SOX5: variants seen among roughly 807,000 people sequenced by gnomAD.
The protein encoded by SOX5 is transcription factor SOX-5.
Under a neutral mutation model 92.0 loss-of-function variants are expected in SOX5, and 9 were observed. The observed-to-expected ratio is 0.10, with a 90% confidence interval of 0.06 to 0.17. The LOEUF (loss-of-function observed/expected upper bound fraction) is 0.17. Ranked by LOEUF, SOX5 falls within the 10% of genes least tolerant of loss-of-function variation. The pLI is 1.00. For missense variants in SOX5, 642 were observed against 944.5 expected (o/e 0.68, Z 4.20); for synonymous variants, 344 against 336.3 (o/e 1.02, Z -0.25).
intron 1 of SOX5, among the ~76,000 whole-genome samples, chr12:24,417,617 GAATAT>G (rs1274431144): frequency 6.6e-6 from 1 of 152,166 alleles, no homozygotes; most frequent in Non-Finnish European, 1.5e-5. Flanking sequence ...GAACTGAACA[GAATAT>G]AATATTTAAA....
intron 1 of SOX5, among the ~76,000 whole-genome samples, chr12:24,376,415 A>G (rs2136311923): frequency 6.6e-6 from 1 of 152,254 alleles, no homozygotes; most frequent in East Asian, 1.9e-4. Context: ...TCCTGCCCTA[A>G]TATTTCTATC....
chr12:24,155,087 G>T lies in SOX5; in HGVS notation c.-2+58256C>A, dbSNP rs941244491. 2.6e-5 allele frequency among the ~76,000 whole-genome samples: 4 copies of T among 151,996 alleles called. No individual in the cohort carries two copies. In the East Asian group the frequency reaches 5.8e-4, roughly 22 times the overall value. On this transcript the variant is annotated intron_variant, in intron 4 of 4. Transcript: ENST00000446891. ...ATCCTCCTTGAAAACAGGCATCATCGTACGCTAAGCACAGCTCAGACAAGT... is the reference window on the plus strand; with the variant it reads ...ATCCTCCTTGAAAACAGGCATCATCTTACGCTAAGCACAGCTCAGACAAGT...
chr12:23,888,456 G>A (rs2097094912), intron 2 of SOX5, among the ~76,000 whole-genome samples: 1 of 151,738 alleles, frequency 6.6e-6, no homozygotes. Context: ...ATTTCTCAAG[G>A]TCCAGTTAAC....
chr12:24,483,997 G>A (rs1398965600), intron 1 of SOX5, among the ~76,000 whole-genome samples: 1 of 152,140 alleles, frequency 6.6e-6, no homozygotes, highest in Non-Finnish European at 1.5e-5. Flanking sequence ...TACATTCCAA[G>A]TTTGTATATG....
intron 6 of SOX5, among the ~76,000 whole-genome samples, chr12:23,677,485 G>T (rs1310097980): frequency 2.6e-5 from 4 of 152,058 alleles, no homozygotes; most frequent in African/African-American, 9.7e-5. Context: ...ACAATATAAA[G>T]TAACATAACT....
At chr12:24,215,962 T>C (rs1959137891) in intron 3 of SOX5, among the ~76,000 whole-genome samples, 1 of 152,218 alleles carries the variant, frequency 6.6e-6, no homozygotes, top group African/African-American at 2.4e-5. Context: ...CATTTGTAGC[T>C]AGTTGATTTT....
intron 4 of SOX5, among the ~76,000 whole-genome samples, chr12:24,116,749 T>C (rs1486032954): frequency 1.3e-5 from 2 of 152,144 alleles, no homozygotes; most frequent in Admixed American, 1.3e-4. Context: ...AGAAATGCCA[T>C]AGGGCTTATG....
At chr12:23,551,485 T>C (rs1944209954) in intron 11 of SOX5, among the ~76,000 whole-genome samples, 3 of 151,760 alleles carry the variant, frequency 2.0e-5, no homozygotes, top group African/African-American at 7.2e-5. Context: ...ATAAATGATA[T>C]ATAAACTATA....
intron 3 of SOX5, among the ~76,000 whole-genome samples, chr12:23,828,753 CAA>C (rs149215692): frequency 5.0e-4 from 67 of 132,884 alleles, no homozygotes; most frequent in Admixed American, 5.3e-4. Context: ...TTCAGGACAT[CAA>C]AAAAAAAAAA....
At chr12:24,187,759 T>C (rs1480570581) in intron 4 of SOX5, among the ~76,000 whole-genome samples, 1 of 152,186 alleles carries the variant, frequency 6.6e-6, no homozygotes, top group African/African-American at 2.4e-5. Flanking sequence ...TCTAGCATTG[T>C]CTTTCTGACA....
chr12:23,768,458 A>G (rs886471817), intron 3 of SOX5, among the ~76,000 whole-genome samples: 1 of 152,200 alleles, frequency 6.6e-6, no homozygotes, highest in Non-Finnish European at 1.5e-5. Context: ...GATGAACACC[A>G]GGATGAATAT....
intron 4 of SOX5, among the ~76,000 whole-genome samples, chr12:23,973,919 C>T (rs755129903): frequency 1.3e-5 from 2 of 152,194 alleles, no homozygotes; most frequent in Non-Finnish European, 1.5e-5. Flanking sequence ...GGAACAGTTT[C>T]ATCCTGAAAC....
intron 1 of SOX5, among the ~76,000 whole-genome samples, chr12:23,909,482 G>A (rs906084964): frequency 6.6e-6 from 1 of 152,090 alleles, no homozygotes; most frequent in Admixed American, 6.5e-5. Context: ...AACAAAAATT[G>A]TAAAAGTGTT....
At chr12:24,091,596 GT>G (rs936394725) in intron 4 of SOX5, among the ~76,000 whole-genome samples, 19 of 151,760 alleles carry the variant, frequency 1.3e-4, no homozygotes, top group Non-Finnish European at 2.2e-4. Context: ...CACCCAGCTA[GT>G]TTTTTTGTGA....
At chr12:23,801,587 G>C (rs1360750729) in intron 3 of SOX5, among the ~76,000 whole-genome samples, 1 of 152,052 alleles carries the variant, frequency 6.6e-6, no homozygotes, top group Non-Finnish European at 1.5e-5. Context: ...TAGGATATTA[G>C]ATTTCCCACC....
intron 1 of SOX5, among the ~76,000 whole-genome samples, chr12:24,457,354 G>C (rs1430378082): frequency 6.6e-6 from 1 of 152,160 alleles, no homozygotes; most frequent in African/African-American, 2.4e-5. Flanking sequence ...ATATACGTCT[G>C]TGAATCACAG....
At chr12:23,653,553 T>G (rs1330694935) in intron 7 of SOX5, among the ~76,000 whole-genome samples, 2 of 152,114 alleles carry the variant, frequency 1.3e-5, no homozygotes, top group African/African-American at 4.8e-5. Flanking sequence ...ATGAACTGGG[T>G]GGCTTATAAA....
intron 4 of SOX5, among the ~76,000 whole-genome samples, chr12:24,211,783 C>T (rs373415816): frequency 6.6e-6 from 1 of 152,154 alleles, no homozygotes; most frequent in South Asian, 2.1e-4. Flanking sequence ...GACCAAGTTT[C>T]TTTCTGTCTC....
At chr12:24,334,949 A>G (rs867045024) in intron 2 of SOX5, among the ~76,000 whole-genome samples, 20 of 152,080 alleles carry the variant, frequency 1.3e-4, no homozygotes, top group Middle Eastern at 6.8e-3. Context: ...GAAAATGTAT[A>G]AAATAATAAT....
Sources: gnomAD v4.1 joint callset for allele counts (sites outside exome capture counted in the v4.1 genomes callset) on GRCh38, gnomAD v4.1.1 for gene constraint, MANE v1.5 for transcripts, NCBI Gene and HGNC (gene_info 2026-07-23, HGNC 2026-07-21) for gene names.